Variants in NAV1 observed in about 807,000 individuals in gnomAD.
NAV1 encodes the protein neuron navigator 1.
A neutral mutation model predicts 175.2 loss-of-function variants in NAV1; 18 were observed. The ratio of observed to expected loss-of-function variants is 0.10; its 90% CI spans 0.07 to 0.15. The LOEUF (loss-of-function observed/expected upper bound fraction) is 0.15, where lower values mean the gene tolerates loss of function less well. Ranked by LOEUF, NAV1 falls within the 10% of genes least tolerant of loss-of-function variation. The probability of loss-of-function intolerance (pLI) is 1.00; values close to 1 mark genes in which losing one functional copy is unlikely to be tolerated. For synonymous variants in NAV1, 897 were observed against 978.7 expected (o/e 0.92, Z 1.56); for missense variants, 1,731 against 2,436.6 (o/e 0.71, Z 6.10).
chr1:201,568,697 C>CATAAT (rs1441823214), intron 1 of NAV1, among the ~76,000 whole-genome samples: 14 of 152,168 alleles, frequency 9.2e-5, no homozygotes, highest in Admixed American at 2.0e-4. Context: ...GATTCAATAA[C>CATAAT]ATAATATAAT....
At chr1:201,552,283 T>C (rs1445815361) in intron 1 of NAV1, among the ~76,000 whole-genome samples, 1 of 152,174 alleles carries the variant, frequency 6.6e-6, no homozygotes, top group African/African-American at 2.4e-5. Context: ...GGAAGTAGCT[T>C]AGTTGGGTCC....
chr1:201,661,498 T>G (rs1669613687), intron 1 of NAV1, among the ~76,000 whole-genome samples: 1 of 152,200 alleles, frequency 6.6e-6, no homozygotes, highest in Non-Finnish European at 1.5e-5. Context: ...TAGAATGGTC[T>G]GGAAGAGTGG....
At chr1:201,590,963 T>C (rs570978484) in intron 2 of NAV1, among the ~76,000 whole-genome samples, 211 of 152,286 alleles carry the variant, frequency 1.4e-3, no homozygotes, top group Non-Finnish European at 2.3e-3. Context: ...CTTCTCTCAT[T>C]TTATCGTTCA....
intron 13 of NAV1, chr1:201,793,497 A>G (rs1677238874): frequency 2.8e-6 from 1 of 355,504 alleles, no homozygotes; most frequent in Non-Finnish European, 5.3e-6. Flanking sequence ...GCAGAGGGAT[A>G]GTCCTACCTC....
intron 1 of NAV1, among the ~76,000 whole-genome samples, chr1:201,699,614 A>G (rs1671328533): frequency 6.6e-6 from 1 of 152,252 alleles, no homozygotes; most frequent in Non-Finnish European, 1.5e-5. Context: ...TAGAACCAAA[A>G]AAGAGCCCAC....
At chr1:201,554,148 C>T (rs577561632) in intron 1 of NAV1, among the ~76,000 whole-genome samples, 4 of 152,290 alleles carry the variant, frequency 2.6e-5, no homozygotes, top group Non-Finnish European at 1.5e-5. Flanking sequence ...TAGAGGGGCC[C>T]CTGGTTTCCC....
exon 30 of NAV1, chr1:201,825,785 C>G (rs1679636905): frequency 1.3e-5 from 2 of 152,412 alleles, no homozygotes; most frequent in Admixed American, 1.3e-4. Flanking sequence ...TCTCAGCCTC[C>G]TGAGTAGCTG....
At chr1:201,619,982 A>G (rs1668112375), upstream of NAV1, among the ~76,000 whole-genome samples, 1 of 152,222 alleles carries the variant, frequency 6.6e-6, no homozygotes, top group African/African-American at 2.4e-5. Flanking sequence ...GGGTCATAGC[A>G]ATTCCCTTGT....
chr1:201,634,279 T>C lies in NAV1; in HGVS notation c.4+4772T>C, dbSNP rs563278749. On this transcript the variant is annotated intron_variant, in intron 2 of 29. Coordinates refer to the NAV1 transcript ENST00000367302. ...ACATAAGAACTGCTCAATATGTGTT[T>C]GGTGTTATTTGTTATTGAGGCAAGT... Among the ~76,000 whole-genome samples the C allele has an allele frequency of 7.5e-4, 115 of 152,358 alleles. 1 individual carries two copies. The South Asian group carries it at 8.3e-3, about 11-fold the overall frequency.
chr1:201,559,632 A>T lies in NAV1; in HGVS notation c.-144+20290A>T, dbSNP rs955346584. Among the ~76,000 whole-genome samples, 3 of 152,192 alleles carry T rather than the reference A, an allele frequency of 2.0e-5. No homozygotes were observed. The East Asian group carries it at 5.8e-4, about 29-fold the overall frequency. On this transcript the variant is annotated intron_variant, in intron 1 of 33. Coordinates refer to the NAV1 transcript ENST00000685211. ...CCTGTTAGCCCAGAGCTGTGGAAGG[A>T]TTAGCCTCCTTTCTCCTGTGCAGGT...
chr1:201,597,655 C>G (rs956891721), intron 2 of NAV1, among the ~76,000 whole-genome samples: 1 of 152,248 alleles, frequency 6.6e-6, no homozygotes, highest in Non-Finnish European at 1.5e-5. Flanking sequence ...GGCTGAGGGC[C>G]AAGCTGGGAG....
chr1:201,806,540 A>G (rs1474449579), intron 17 of NAV1, among the ~76,000 whole-genome samples: 2 of 152,190 alleles, frequency 1.3e-5, no homozygotes, highest in Non-Finnish European at 2.9e-5. Context: ...ACACACACAC[A>G]CACAGCATCC....
chr1:201,680,969 G>A, intron 1 of NAV1, among the ~76,000 whole-genome samples: 1 of 152,064 alleles, frequency 6.6e-6, no homozygotes, highest in East Asian at 1.9e-4. Context: ...TGTTGCTTCT[G>A]CCTCTGAAAT....
upstream of NAV1, among the ~76,000 whole-genome samples, chr1:201,645,532 C>T (rs1668948808): frequency 6.6e-6 from 1 of 151,494 alleles, no homozygotes; most frequent in African/African-American, 2.4e-5. Context: ...GCACATGTAC[C>T]CTAAAACTTA....
At chr1:201,656,018 T>C (rs1451666860) in intron 1 of NAV1, among the ~76,000 whole-genome samples, 3 of 152,132 alleles carry the variant, frequency 2.0e-5, no homozygotes, top group Non-Finnish European at 4.4e-5. Flanking sequence ...CATCTCCAGG[T>C]TCACCCCCTA....
At chr1:201,824,636 G>A (rs1517811) in exon 30 of NAV1, 149,973 of 151,864 alleles carry the variant, frequency 0.99, 74,068 homozygotes, top group East Asian at 1. Flanking sequence ...AATTCAACCT[G>A]TGTATACTAG....
intron 3 of NAV1, among the ~76,000 whole-genome samples, chr1:201,768,255 G>A (rs1228724001): frequency 6.6e-6 from 1 of 150,968 alleles, no homozygotes; most frequent in Non-Finnish European, 1.5e-5. Context: ...CTTGAACCTG[G>A]GAGGCAGAGG....
chr1:201,753,223 G>A (rs541680597), intron 3 of NAV1, among the ~76,000 whole-genome samples: 6 of 152,252 alleles, frequency 3.9e-5, no homozygotes, highest in African/African-American at 1.4e-4. Flanking sequence ...GGTCTATTTT[G>A]GAGCCACTGT....
At chr1:201,596,692 A>G (rs1667355127) in intron 2 of NAV1, among the ~76,000 whole-genome samples, 1 of 152,152 alleles carries the variant, frequency 6.6e-6, no homozygotes, top group Non-Finnish European at 1.5e-5. Context: ...TATTTACAGG[A>G]CTGCACTAGG....
Sources: allele counts gnomAD v4.1 joint callset (sites outside exome capture counted in the v4.1 genomes callset), GRCh38; gene constraint gnomAD v4.1.1; transcripts MANE v1.5; gene names NCBI Gene and HGNC (gene_info 2026-07-23, HGNC 2026-07-21).